The following RPAP2 variants were observed in gnomAD, a reference collection of about 807,000 sequenced individuals.
RPAP2 encodes the protein RNA polymerase II associated protein 2, also known as putative RNA polymerase II subunit B1 CTD phosphatase RPAP2.
In RPAP2, 52 loss-of-function variants were observed where a neutral mutation model predicts 73.1. The observed-to-expected ratio is 0.71, with a 90% CI of 0.57 to 0.90. RPAP2 has a LOEUF of 0.90. RPAP2 is among the 40% of genes least tolerant of loss of function. The pLI, the probability that RPAP2 is intolerant of heterozygous loss-of-function variation, is 0.00. For missense variants in RPAP2, 598 were observed against 701.8 expected, an observed-to-expected ratio of 0.85 and a Z score of 1.67; for synonymous variants, 225 against 242.1, an observed-to-expected ratio of 0.93 and a Z score of 0.65.
intron 11 of RPAP2, among the ~76,000 whole-genome samples, chr1:92,355,896 G>C (rs1654438234): frequency 1.3e-5 from 2 of 152,064 alleles, no homozygotes; most frequent in Admixed American, 1.3e-4. Context: ...TTTTAGATAA[G>C]GGATACTCAA....
In RPAP2 at chr1:92,392,056, C is replaced by T. The variant is rs1348698566; in HGVS notation, c.*5045C>T. ...TATGAGGCTAACATCATCCTGATAC[C>T]AAAGCCTGGCAGAGACACAACAAAA... On this transcript the variant is annotated 3_prime_UTR_variant, in exon 13 of 13. Coordinates refer to ENST00000610020, the MANE Select transcript of RPAP2 (RefSeq NM_024813.3). 1 of 152,134 alleles carries T rather than the reference C, an allele frequency of 6.6e-6. No homozygotes were observed. Among genetic ancestry groups the T allele is most frequent in the African/African-American group, 2.4e-5 (1 of 41,418 alleles). 9.4% of individuals were successfully genotyped at this position (152,134 alleles called of 1,614,324 possible). A position where few individuals can be genotyped will look rare whatever the true frequency, so the allele number is the denominator to read the frequency against.
At chr1:92,329,079 T>C (rs1259979803) in intron 8 of RPAP2, among the ~76,000 whole-genome samples, 1 of 152,128 alleles carries the variant, frequency 6.6e-6, no homozygotes, top group East Asian at 1.9e-4. Flanking sequence ...CTTAATTGTA[T>C]TTTTTTTAAG....
chr1:92,347,887 G>A (rs550782132), intron 11 of RPAP2, among the ~76,000 whole-genome samples: 7 of 151,990 alleles, frequency 4.6e-5, no homozygotes, highest in Non-Finnish European at 1.0e-4. Flanking sequence ...GTAGTGTATC[G>A]CATGTTTCAT....
chr1:92,354,007 A>G (rs534752586), intron 11 of RPAP2, among the ~76,000 whole-genome samples: 20 of 152,236 alleles, frequency 1.3e-4, no homozygotes, highest in African/African-American at 4.8e-4. Flanking sequence ...ACTTCAGGCC[A>G]TACTCCACAT....
chr1:92,327,899 T>TTATGAAAG (rs1652738395), intron 8 of RPAP2, among the ~76,000 whole-genome samples: 1 of 152,240 alleles, frequency 6.6e-6, no homozygotes, highest in East Asian at 1.9e-4. Flanking sequence ...AGACTATCTT[T>TTATGAAAG]CCTTCATTTA....
chr1:92,349,975 C>A (rs1654116073), intron 11 of RPAP2, among the ~76,000 whole-genome samples: 1 of 152,050 alleles, frequency 6.6e-6, no homozygotes. Flanking sequence ...TCAATGTATA[C>A]TGATGGAAAT....
Position 92,299,225 on chromosome 1 carries a change from G to A in RPAP2, c.73+79G>A, listed in dbSNP as rs1025612900. 17 of 904,394 alleles carry A rather than the reference G, an allele frequency of 1.9e-5. No individual in the cohort carries two copies. In the African/African-American group the frequency reaches 3.0e-4, roughly 16 times the overall value. The allele number at this position is 904,394 out of a possible 1,614,324, so 56.0% of individuals were successfully genotyped here. A position where few individuals can be genotyped will look rare whatever the true frequency, so the allele number is the denominator to read the frequency against. On this transcript the variant is annotated intron_variant, in intron 1 of 12. Transcript: ENST00000610020. Reference sequence around the variant, plus strand: ...TCGAGTTATAGACCGCAGCGCGCGGGCGCTCCTGAAAGGCTGCTTCAGGGG... The same window carrying A: ...TCGAGTTATAGACCGCAGCGCGCGGACGCTCCTGAAAGGCTGCTTCAGGGG...
chr1:92,373,733 T>TAAAAAAAAAAAACA (rs1395822870), intron 11 of RPAP2, among the ~76,000 whole-genome samples: 1 of 40,892 alleles, frequency 2.4e-5, no homozygotes, highest in African/African-American at 9.6e-5. Flanking sequence ...CCGTCTCTAC[T>TAAAAAAAAAAAACA]AAAAATAAAA....
At chr1:92,332,865 A>C (rs1653056880) in intron 8 of RPAP2, among the ~76,000 whole-genome samples, 1 of 152,120 alleles carries the variant, frequency 6.6e-6, no homozygotes, top group East Asian at 1.9e-4. Flanking sequence ...CTCAGACTGT[A>C]ATTCTTTATA....
rs1005290515 is a variant in RPAP2 at position 92,299,125 on chromosome 1, C to A, written c.52C>A (p.Arg18Ser). Residue 18 changes from arginine (R) to serine (S), a missense_variant, in exon 1 of 13, where the codon CGC (arginine) becomes AGC (serine). Coordinates refer to ENST00000610020, the MANE Select transcript of RPAP2 (RefSeq NM_024813.3). ...TGCCGGCCGCAAGGCCGGGGCTCCC[C>A]GCTGCTCTCGAAAAGCCGCAGGTAG... Reference protein sequence around the residue: ...SSAGRKAGAPRCSRKAAGTKQ... With the variant: ...SSAGRKAGAPSCSRKAAGTKQ... 9.9e-6 allele frequency: 15 copies of A among 1,521,114 alleles called. No individual in the cohort carries two copies. The highest frequency in any genetic ancestry group is 1.3e-5 in the Non-Finnish European group (15 of 1,130,946). 94.2% of individuals were successfully genotyped at this position (1,521,114 alleles called of 1,614,324 possible).
chr1:92,342,873 G>A (rs553969182), intron 10 of RPAP2, among the ~76,000 whole-genome samples: 1 of 152,204 alleles, frequency 6.6e-6, no homozygotes, highest in Admixed American at 6.5e-5. Context: ...AGTTTTGGGG[G>A]AAGGATGAGG....
intron 8 of RPAP2, among the ~76,000 whole-genome samples, chr1:92,326,372 G>A (rs1448880845): frequency 6.6e-6 from 1 of 152,190 alleles, no homozygotes; most frequent in African/African-American, 2.4e-5. Context: ...TGGCAGGGGG[G>A]TGAAATGGAT....
chr1:92,306,218 G>A (rs1325294784), intron 5 of RPAP2, among the ~76,000 whole-genome samples: 8 of 152,238 alleles, frequency 5.3e-5, no homozygotes, highest in Admixed American at 2.6e-4. Context: ...CAAGAGAGGT[G>A]GGAATGGGAA....
rs779906290 is a variant in RPAP2, at chr1:92,323,579, A to G, written c.659A>G (p.Glu220Gly). 61 of 1,614,020 alleles carry G rather than the reference A, an allele frequency of 3.8e-5. No homozygotes were observed. The South Asian group carries it at 6.4e-4, about 17-fold the overall frequency. ...CACAGTGATAGTAGCAGTGACAATG[A>G]GCAAGACTTTGTTTCCTCCATTCTA... Reference protein sequence around the residue: ...STHSDSSSDNEQDFVSSILPG... With the variant: ...STHSDSSSDNGQDFVSSILPG... Residue 220 changes from glutamate (E) to glycine (G), a missense_variant, in exon 8 of 13, where the codon GAG (glutamate) becomes GGG (glycine). Glu to Gly is a moderately conservative substitution (Grantham distance 98). This residue lies in a region of RPAP2 where 506 missense variants were observed against 612.8 expected (regional missense o/e 0.83). Coordinates refer to ENST00000610020, the MANE Select transcript of RPAP2 (RefSeq NM_024813.3).
In RPAP2 at chr1:92,308,441, C is replaced by T. The variant is rs113448427; in HGVS notation, c.488+1165C>T. ...TGTCACTAGAGCTGCCCAGTACTTCCCCAGTCCTCTGAGAGCAACATGTTT... is the reference window on the plus strand; with the variant it reads ...TGTCACTAGAGCTGCCCAGTACTTCTCCAGTCCTCTGAGAGCAACATGTTT... On this transcript the variant is annotated intron_variant, in intron 6 of 12. Coordinates refer to ENST00000610020, the MANE Select transcript of RPAP2 (RefSeq NM_024813.3). Among the ~76,000 whole-genome samples the T allele has an allele frequency of 5.1e-3, 775 of 152,254 alleles. 1 individual carries two copies. The highest frequency in any genetic ancestry group is 0.018 in the African/African-American group (740 of 41,546).
At chr1:92,341,207 C>G (rs1653573639) in intron 10 of RPAP2, among the ~76,000 whole-genome samples, 1 of 152,052 alleles carries the variant, frequency 6.6e-6, no homozygotes, top group Admixed American at 6.6e-5. Flanking sequence ...CGAGGTTTCA[C>G]CATGTTGCCC....
intron 10 of RPAP2, among the ~76,000 whole-genome samples, chr1:92,338,954 C>A (rs914964883): frequency 6.6e-6 from 1 of 152,050 alleles, no homozygotes; most frequent in Admixed American, 6.6e-5. Context: ...CTCCTGCAGA[C>A]AACACTTATT....
At chr1:92,358,445 T>G (rs896806104) in intron 11 of RPAP2, among the ~76,000 whole-genome samples, 1 of 152,194 alleles carries the variant, frequency 6.6e-6, no homozygotes, top group Admixed American at 6.5e-5. Flanking sequence ...AGATAAAATA[T>G]CTCTATACAT....
At chr1:92,342,870 G>T (rs1185346248) in intron 10 of RPAP2, among the ~76,000 whole-genome samples, 1 of 152,110 alleles carries the variant, frequency 6.6e-6, no homozygotes, top group Non-Finnish European at 1.5e-5. Flanking sequence ...CTTAGTTTTG[G>T]GGGAAGGATG....
Sources: gnomAD v4.1 joint callset for allele counts (sites outside exome capture counted in the v4.1 genomes callset) on GRCh38, gnomAD v4.1.1 for gene constraint, gnomAD v4.1.1 regional missense constraint, MANE v1.5 for transcripts, NCBI Gene and HGNC (gene_info 2026-07-23, HGNC 2026-07-21) for gene names.